UBE2L3: variants seen among roughly 807,000 people sequenced by gnomAD.
UBE2L3 encodes ubiquitin conjugating enzyme E2 L3, also known as ubiquitin-conjugating enzyme E2 L3.
UBE2L3 carries 1 observed loss-of-function variant against 17.8 expected under a neutral mutation model. The observed-to-expected ratio is 0.06, with a 90% CI of 0.02 to 0.27. The LOEUF is 0.27. Ranked by LOEUF, UBE2L3 falls within the 10% of genes least tolerant of loss-of-function variation. UBE2L3 has a pLI of 1.00. For synonymous variants in UBE2L3, 44 were observed against 68.5 expected (o/e 0.64, Z 1.76); for missense variants, 40 against 192.6 (o/e 0.21, Z 4.69).
In UBE2L3 at chr22:21,577,278, A is replaced by G. The variant is rs8138323; in HGVS notation, c.27+9507A>G. Among the ~76,000 whole-genome samples the G allele has an allele frequency of 9.7e-3, 1,476 of 151,568 alleles. 29 individuals are homozygous for G. The highest frequency in any genetic ancestry group is 0.034 in the African/African-American group (1,407 of 41,358). On this transcript the variant is annotated intron_variant, in intron 1 of 3. Coordinates refer to ENST00000342192, the MANE Select transcript of UBE2L3 (RefSeq NM_003347.4). ...CCACCGTGCCTGGCCTGATTTTTGCATTTTTTAGTAGAGACGGGGTTTCAT... is the reference window on the plus strand; with the variant it reads ...CCACCGTGCCTGGCCTGATTTTTGCGTTTTTTAGTAGAGACGGGGTTTCAT...
At chr22:21,575,392 T>C (rs1927215548) in intron 1 of UBE2L3, among the ~76,000 whole-genome samples, 2 of 130,402 alleles carry the variant, frequency 1.5e-5, no homozygotes, top group African/African-American at 2.9e-5. Flanking sequence ...ATGGGAAACA[T>C]GACGAAACCC....
At chr22:21,585,356 T>A (rs554088928) in intron 1 of UBE2L3, among the ~76,000 whole-genome samples, 4 of 152,240 alleles carry the variant, frequency 2.6e-5, no homozygotes, top group Non-Finnish European at 5.9e-5. Flanking sequence ...ACTGGATCTC[T>A]AAAATATTTC....
chr22:21,617,411 C>T (rs796668001), intron 3 of UBE2L3, among the ~76,000 whole-genome samples: 10 of 152,058 alleles, frequency 6.6e-5, no homozygotes, highest in South Asian at 2.1e-4. Context: ...GGACTACAGG[C>T]GCATGCCACC....
At chr22:21,577,302 A>C (rs756373099) in intron 1 of UBE2L3, among the ~76,000 whole-genome samples, 1 of 151,896 alleles carries the variant, frequency 6.6e-6, no homozygotes, top group Non-Finnish European at 1.5e-5. Context: ...ACGGGGTTTC[A>C]TGGTGTTGGC....
chr22:21,567,892 C>G lies in UBE2L3; in HGVS notation c.27+121C>G, dbSNP rs1165306450. 3.3e-6 allele frequency: 5 copies of G among 1,530,760 alleles called. No homozygotes were observed. In the South Asian group the frequency reaches 3.7e-5, roughly 11 times the overall value. 94.8% of individuals were successfully genotyped at this position (1,530,760 alleles called of 1,614,324 possible). A position where few individuals can be genotyped will look rare whatever the true frequency, so the allele number is the denominator to read the frequency against. On this transcript the variant is annotated intron_variant, in intron 1 of 3. Coordinates refer to ENST00000342192, the MANE Select transcript of UBE2L3 (RefSeq NM_003347.4). Reference sequence around the variant, plus strand: ...GGCTTCCTGCCCTACACGGCCTCGTCGGTTCCCTGGGCCGCGCGCAGGCTC... The same window carrying G: ...GGCTTCCTGCCCTACACGGCCTCGTGGGTTCCCTGGGCCGCGCGCAGGCTC...
chr22:21,624,032 C>T lies in UBE2L3; in HGVS notation c.*2363C>T, dbSNP rs1328511426. On this transcript the variant is annotated 3_prime_UTR_variant, in exon 4 of 4. Coordinates refer to ENST00000342192, the MANE Select transcript of UBE2L3 (RefSeq NM_003347.4). ...CCCGTAATAAAAATGCTCTCAGACACTGGTTAGTCGTGTGGGTTTCTTCCT... is the reference window on the plus strand; with the variant it reads ...CCCGTAATAAAAATGCTCTCAGACATTGGTTAGTCGTGTGGGTTTCTTCCT... 1 of 152,336 alleles carries T rather than the reference C, an allele frequency of 6.6e-6. No homozygotes were observed. The highest frequency in any genetic ancestry group is 2.4e-5 in the African/African-American group (1 of 41,456). 9.4% of individuals were successfully genotyped at this position (152,336 alleles called of 1,614,324 possible).
intron 1 of UBE2L3, among the ~76,000 whole-genome samples, chr22:21,558,020 C>A (rs541811234): frequency 1.3e-5 from 2 of 151,132 alleles, no homozygotes; most frequent in African/African-American, 4.9e-5. Flanking sequence ...GGCAATATGT[C>A]CCCCTTACGT....
At chr22:21,607,613 G>T (rs1326531010) in intron 2 of UBE2L3, among the ~76,000 whole-genome samples, 1 of 152,102 alleles carries the variant, frequency 6.6e-6, no homozygotes, top group East Asian at 1.9e-4. Context: ...TGGCAGACCT[G>T]GGTGAGGGAA....
At chr22:21,589,657 A>C (rs1256218831) in intron 1 of UBE2L3, among the ~76,000 whole-genome samples, 1 of 152,172 alleles carries the variant, frequency 6.6e-6, no homozygotes, top group African/African-American at 2.4e-5. Flanking sequence ...TCTGGATGCC[A>C]GCAACACCCT....
At chr22:21,615,424 A>G (rs1020857058) in intron 3 of UBE2L3, among the ~76,000 whole-genome samples, 6 of 149,476 alleles carry the variant, frequency 4.0e-5, no homozygotes, top group South Asian at 2.1e-4. Context: ...GCTTGGTGGC[A>G]GGCGCCTGTA....
chr22:21,613,769 C>T (rs1174458028), intron 3 of UBE2L3, among the ~76,000 whole-genome samples: 4 of 152,178 alleles, frequency 2.6e-5, no homozygotes, highest in Non-Finnish European at 4.4e-5. Context: ...GGGAACTCAA[C>T]TTGGCTGGGA....
At chr22:21,615,362 T>G (rs1929710660) in intron 3 of UBE2L3, among the ~76,000 whole-genome samples, 2 of 151,948 alleles carry the variant, frequency 1.3e-5, no homozygotes, top group South Asian at 4.1e-4. Flanking sequence ...GAGACCATCC[T>G]GGCTAACATG....
chr22:21,623,061 G>C lies in UBE2L3; in HGVS notation c.*1392G>C, dbSNP rs1230288226. On this transcript the variant is annotated 3_prime_UTR_variant, in exon 4 of 4. Coordinates refer to ENST00000342192, the MANE Select transcript of UBE2L3 (RefSeq NM_003347.4). Reference sequence around the variant, plus strand: ...GAAGCCGACGATCCAAATGCCGTGTGTCACCAACCCCGCTTCTGCCACTGG... The same window carrying C: ...GAAGCCGACGATCCAAATGCCGTGTCTCACCAACCCCGCTTCTGCCACTGG... 6.6e-6 allele frequency: 1 copy of C among 152,358 alleles called. No individual in the cohort carries two copies. The highest frequency in any genetic ancestry group is 2.4e-5 in the African/African-American group (1 of 41,460). 9.4% of individuals were successfully genotyped at this position (152,358 alleles called of 1,614,324 possible).
chr22:21,580,257 G>A (rs143107677), intron 1 of UBE2L3, among the ~76,000 whole-genome samples: 1 of 152,236 alleles, frequency 6.6e-6, no homozygotes, highest in East Asian at 1.9e-4. Context: ...TCTTTGACTT[G>A]GACATCTCTG....
intron 2 of UBE2L3, among the ~76,000 whole-genome samples, chr22:21,599,759 T>TG (rs1928756117): frequency 6.6e-6 from 1 of 152,202 alleles, no homozygotes; most frequent in Non-Finnish European, 1.5e-5. Context: ...GACGGCATCC[T>TG]GGGGAATGGG....
At chr22:21,568,285 C>A (rs1568969115) in intron 1 of UBE2L3, 3 of 986,044 alleles carry the variant, frequency 3.0e-6, no homozygotes, top group Non-Finnish European at 3.6e-6. Flanking sequence ...GGAGGCCAGG[C>A]GGCCAAAGTT....
At chr22:21,589,620 C>A (rs1312151842) in intron 1 of UBE2L3, among the ~76,000 whole-genome samples, 1 of 152,070 alleles carries the variant, frequency 6.6e-6, no homozygotes. Flanking sequence ...AGGGTAAGGG[C>A]TTGGGAGGCT....
At chr22:21,618,154 C>T (rs1055848655) in intron 3 of UBE2L3, among the ~76,000 whole-genome samples, 2 of 151,860 alleles carry the variant, frequency 1.3e-5, no homozygotes, top group African/African-American at 4.8e-5. Context: ...GCACTCCAGC[C>T]TGGGCGACAG....
intron 2 of UBE2L3, among the ~76,000 whole-genome samples, chr22:21,601,838 G>A (rs1361697776): frequency 2.0e-5 from 3 of 151,890 alleles, no homozygotes; most frequent in Admixed American, 2.0e-4. Context: ...CGGGCGTGGT[G>A]GTGGGCGCCT....
Sources: allele counts gnomAD v4.1 joint callset (sites outside exome capture counted in the v4.1 genomes callset), GRCh38; gene constraint gnomAD v4.1.1; transcripts MANE v1.5; gene names NCBI Gene and HGNC (gene_info 2026-07-23, HGNC 2026-07-21).